The following CTNNA2 variants were observed in gnomAD, a reference collection of about 807,000 sequenced individuals.
The protein encoded by CTNNA2 is catenin alpha 2, also known as catenin alpha-2.
A neutral mutation model predicts 101.0 loss-of-function variants in CTNNA2; 42 were observed. The ratio of observed to expected loss-of-function variants is 0.42; its 90% CI spans 0.32 to 0.54. CTNNA2 has a LOEUF of 0.54. Among genes scored for constraint, CTNNA2 ranks in the 20% least tolerant of loss-of-function variants. The pLI, the probability that CTNNA2 is intolerant of heterozygous loss-of-function variation, is 0.14. For missense variants in CTNNA2, 871 were observed against 1,223.1 expected, an observed-to-expected ratio of 0.71 and a Z score of 4.29; for synonymous variants, 450 against 456.4, an observed-to-expected ratio of 0.99 and a Z score of 0.18.
chr2:80,424,305 G>A (rs1275076506), intron 9 of CTNNA2, among the ~76,000 whole-genome samples: 3 of 152,132 alleles, frequency 2.0e-5, no homozygotes, highest in African/African-American at 7.2e-5. Context: ...CACCCTTATT[G>A]TCTGACTGAT....
intron 9 of CTNNA2, among the ~76,000 whole-genome samples, chr2:80,530,286 A>G (rs909572583): frequency 1.3e-5 from 2 of 152,142 alleles, no homozygotes; most frequent in African/African-American, 4.8e-5. Flanking sequence ...GAAATATTAG[A>G]TTTCAGAGCT....
rs765815304 is a variant in CTNNA2, at chr2:79,695,208, A to C, written c.102+43550A>C. 3.9e-5 allele frequency among the ~76,000 whole-genome samples: 6 copies of C among 152,054 alleles called. No individual in the cohort carries two copies. In the South Asian group the frequency reaches 6.2e-4, roughly 16 times the overall value. On this transcript the variant is annotated intron_variant, in intron 2 of 18. Coordinates refer to ENST00000402739, the MANE Select transcript of CTNNA2 (RefSeq NM_001282597.3). ...CATTCACTTACAAGCACTTGGGGTT[A>C]GGGCAGAGTTGTCATCTTGGACACA...
At chr2:80,619,713 G>T (rs535701797) in intron 18 of CTNNA2, among the ~76,000 whole-genome samples, 8 of 151,908 alleles carry the variant, frequency 5.3e-5, no homozygotes, top group Admixed American at 4.6e-4. Context: ...AAATACTTTG[G>T]GTGTTAACAA....
chr2:80,324,190 C>T (rs1382812565), intron 7 of CTNNA2, among the ~76,000 whole-genome samples: 8 of 152,128 alleles, frequency 5.3e-5, no homozygotes, highest in Non-Finnish European at 2.9e-5. Flanking sequence ...AGCTAAGTGA[C>T]ACATGAATAT....
At chr2:80,073,173 A>G (rs1698452448) in intron 7 of CTNNA2, among the ~76,000 whole-genome samples, 1 of 152,182 alleles carries the variant, frequency 6.6e-6, no homozygotes, top group African/African-American at 2.4e-5. Flanking sequence ...GGGAAAGGAG[A>G]TGCCGGGTGG....
At chr2:79,933,963 A>G (rs1425551535) in intron 7 of CTNNA2, among the ~76,000 whole-genome samples, 1 of 152,234 alleles carries the variant, frequency 6.6e-6, no homozygotes, top group Non-Finnish European at 1.5e-5. Flanking sequence ...AATTTAAGGA[A>G]GTTCCATGAG....
intron 7 of CTNNA2, among the ~76,000 whole-genome samples, chr2:79,959,049 G>GT (rs78384712): frequency 5.2e-4 from 79 of 150,704 alleles, no homozygotes; most frequent in African/African-American, 1.5e-3. Flanking sequence ...CTGTAGCTCC[G>GT]TTTTTTTTTC....
At chr2:79,706,332 C>T (rs988172627) in intron 2 of CTNNA2, among the ~76,000 whole-genome samples, 6 of 142,284 alleles carry the variant, frequency 4.2e-5, no homozygotes, top group Admixed American at 3.8e-4. Context: ...CACTGCACTC[C>T]GCCCTGGGCG....
intron 7 of CTNNA2, among the ~76,000 whole-genome samples, chr2:80,322,487 T>A (rs1678798349): frequency 6.6e-6 from 1 of 152,026 alleles, no homozygotes; most frequent in Admixed American, 6.6e-5. Flanking sequence ...GAGAGGCAAT[T>A]GTTCCCTTGC....
chr2:79,605,279 C>T lies in CTNNA2; in HGVS notation c.-5-46273C>T, dbSNP rs75527966. ...AAGTAGATTAGTGAACTTCAAGACA[C>T]AGCAATAAAAACATCATGATGGAGC... On this transcript the variant is annotated intron_variant, in intron 1 of 18. Coordinates refer to ENST00000402739, the MANE Select transcript of CTNNA2 (RefSeq NM_001282597.3). Among the ~76,000 whole-genome samples, 1,435 of 152,016 alleles carry T rather than the reference C, an allele frequency of 9.4e-3. 61 individuals are homozygous for T. The East Asian group carries it at 0.12, about 12-fold the overall frequency.
intron 7 of CTNNA2, among the ~76,000 whole-genome samples, chr2:80,375,562 C>CTTTTTTTTTTTTT (rs199662476): frequency 2.8e-5 from 3 of 105,604 alleles, no homozygotes; most frequent in African/African-American, 8.3e-5. Context: ...TTTCTGGCTT[C>CTTTTTTTTTTTTT]TTTTTTTTTT....
rs544837024 is a variant in CTNNA2 at position 80,181,139 on chromosome 2, C to T, written c.1057-212072C>T. Among the ~76,000 whole-genome samples the T allele has an allele frequency of 2.2e-3, 342 of 152,256 alleles. 3 individuals carry two copies. The highest frequency in any genetic ancestry group is 7.6e-3 in the African/African-American group (315 of 41,562). The stretch of plus-strand genomic sequence containing the variant: ...CCTCACTTCTAGGGGCTTGCCAGGA[C>T]TTTAGTTATAGGTCTAGAAGCAAAC... On this transcript the variant is annotated intron_variant, in intron 7 of 18. Transcript: ENST00000402739.
chr2:80,004,974 G>T (rs1024190878), intron 7 of CTNNA2, among the ~76,000 whole-genome samples: 2 of 152,206 alleles, frequency 1.3e-5, no homozygotes, highest in African/African-American at 4.8e-5. Flanking sequence ...GGGATTACAG[G>T]TGGGAGCCAC....
At chr2:79,261,367 T>C (rs1010256917) in intron 2 of CTNNA2, among the ~76,000 whole-genome samples, 4 of 152,198 alleles carry the variant, frequency 2.6e-5, no homozygotes, top group East Asian at 1.9e-4. Context: ...CATCTCACTA[T>C]AGGAAGTGAG....
intron 7 of CTNNA2, among the ~76,000 whole-genome samples, chr2:80,014,256 G>A (rs549356361): frequency 2.0e-4 from 30 of 152,134 alleles, no homozygotes; most frequent in African/African-American, 6.7e-4. Flanking sequence ...AATGTAGTAT[G>A]AGCAGAAGCT....
At chr2:80,135,356 C>G (rs949615450) in intron 7 of CTNNA2, among the ~76,000 whole-genome samples, 1 of 152,172 alleles carries the variant, frequency 6.6e-6, no homozygotes, top group Non-Finnish European at 1.5e-5. Context: ...GGGGAGCAAT[C>G]TAGAGACAAA....
intron 7 of CTNNA2, among the ~76,000 whole-genome samples, chr2:80,256,632 T>C (rs1672178142): frequency 6.6e-6 from 1 of 152,088 alleles, no homozygotes; most frequent in Non-Finnish European, 1.5e-5. Context: ...TAGAAAGCGG[T>C]CATCCAGCCT....
chr2:80,224,680 G>C (rs993297652), intron 7 of CTNNA2, among the ~76,000 whole-genome samples: 2 of 151,926 alleles, frequency 1.3e-5, no homozygotes, highest in Non-Finnish European at 2.9e-5. Context: ...TCCTGATCTC[G>C]TGATCTGCTC....
chr2:80,419,737 T>C, intron 9 of CTNNA2, 136 bp downstream of exon 9: 1 of 890,928 alleles, frequency 1.1e-6, no homozygotes, highest in Non-Finnish European at 1.6e-6. Context: ...TTTCCTTTAC[T>C]TTCTGATTAC....
Sources: allele counts gnomAD v4.1 joint callset (sites outside exome capture counted in the v4.1 genomes callset), GRCh38; gene constraint gnomAD v4.1.1; transcripts MANE v1.5; gene names NCBI Gene and HGNC (gene_info 2026-07-23, HGNC 2026-07-21).